DST: variants seen among roughly 807,000 people sequenced by gnomAD.
DST encodes dystonin.
Under a neutral mutation model 875.2 loss-of-function variants are expected in DST, and 253 were observed. The ratio of observed to expected loss-of-function variants is 0.29; its 90% confidence interval spans 0.26 to 0.32. The LOEUF (loss-of-function observed/expected upper bound fraction) is 0.32. DST is among the 10% of genes least tolerant of loss of function. DST has a pLI of 1.00. For missense variants in DST, 8,287 were observed against 9,111.6 expected, an observed-to-expected ratio of 0.91 and a Z score of 3.68; for synonymous variants, 3,124 against 3,197.1, an observed-to-expected ratio of 0.98 and a Z score of 0.77.
intron 5 of DST, among the ~76,000 whole-genome samples, chr6:56,708,430 C>T (rs1202294930): frequency 2.6e-5 from 4 of 151,864 alleles, no homozygotes; most frequent in Non-Finnish European, 5.9e-5. Context: ...TTCTATAATG[C>T]TTGAAAAAAA....
chr6:56,560,643 C>T (rs541569025), intron 57 of DST, among the ~76,000 whole-genome samples: 55 of 152,132 alleles, frequency 3.6e-4, no homozygotes, highest in South Asian at 1.0e-3. Flanking sequence ...AACACTATGA[C>T]TATGAAGATA....
chr6:56,921,092 T>C (rs1249918704), intron 2 of DST, among the ~76,000 whole-genome samples: 1 of 151,868 alleles, frequency 6.6e-6, no homozygotes, highest in East Asian at 1.9e-4. Flanking sequence ...AAAGGTGATA[T>C]TTGAACAATG....
intron 83 of DST, among the ~76,000 whole-genome samples, chr6:56,493,325 C>T (rs1379604747): frequency 2.0e-5 from 3 of 152,000 alleles, no homozygotes; most frequent in Admixed American, 6.6e-5. Flanking sequence ...AATTAATATA[C>T]GCTAAAGCAT....
intron 3 of DST, among the ~76,000 whole-genome samples, chr6:56,886,873 C>T (rs560917224): frequency 1.3e-5 from 2 of 151,800 alleles, no homozygotes; most frequent in South Asian, 4.2e-4. Flanking sequence ...TGTTCAATTT[C>T]CATAGATTGA....
intron 58 of DST, among the ~76,000 whole-genome samples, chr6:56,557,815 A>C (rs73455787): frequency 0.012 from 1,828 of 152,078 alleles, 44 homozygotes; most frequent in African/African-American, 0.042. Context: ...TATAAGTCCT[A>C]TAGAGTGTGT....
intron 92 of DST, 119 bp downstream of exon 92, chr6:56,476,030 G>A (rs993406054): frequency 8.0e-6 from 7 of 875,046 alleles, no homozygotes; most frequent in Middle Eastern, 3.5e-4. Context: ...GTAAGGAGCT[G>A]AGGAGTCTGA....
At chr6:56,673,740 T>C (rs1174437085) in intron 9 of DST, among the ~76,000 whole-genome samples, 1 of 152,242 alleles carries the variant, frequency 6.6e-6, no homozygotes, top group Non-Finnish European at 1.5e-5. Context: ...TTCCAAGGTA[T>C]ATTCATATAA....
chr6:56,532,532 T>TAA (rs1562603795), intron 63 of DST, 22 bp from the exon 64 acceptor site: 3 of 1,544,302 alleles, frequency 1.9e-6, no homozygotes, highest in Non-Finnish European at 2.6e-6. Flanking sequence ...ACATTAAATA[T>TAA]AAAAAAGCAA....
In DST at chr6:56,552,372, T is replaced by G. The variant is rs1437536171; in HGVS notation, c.16420A>C (p.Asn5474His). ...RDLEALSKQCNKLLDRAQARE... is the reference protein window; with the variant it reads ...RDLEALSKQCHKLLDRAQARE... ...GCTTGGGCTCGGTCCAGTAACTTGT[T>G]GCATTGTTTGCTTAAGGCCTCCAAG... Residue 5474 changes from asparagine to histidine, a missense_variant, in exon 61 of 104, where the codon AAC becomes CAC. Asn to His is a moderately conservative substitution (Grantham distance 68, BLOSUM62 1). Around this residue, in one of 10 missense-constraint regions of DST, gnomAD observed 777 missense variants for 764.8 expected, o/e 1.02. Transcript: ENST00000680361. 6.2e-7 allele frequency: 1 copy of G among 1,613,898 alleles called. No individual in the cohort carries two copies. Among genetic ancestry groups the G allele is most frequent in the Admixed American group, 1.7e-5 (1 of 60,008 alleles).
At chr6:56,928,803 T>TA (rs1362599509) in intron 2 of DST, among the ~76,000 whole-genome samples, 1 of 151,956 alleles carries the variant, frequency 6.6e-6, no homozygotes, top group Admixed American at 6.6e-5. Context: ...AGACATAATG[T>TA]AAAAAAGACC....
intron 4 of DST, among the ~76,000 whole-genome samples, chr6:56,783,241 T>A (rs979903028): frequency 6.6e-6 from 1 of 152,220 alleles, no homozygotes; most frequent in African/African-American, 2.4e-5. Flanking sequence ...CTATTACGTC[T>A]GCTTGGTGCA....
intron 36 of DST, chr6:56,617,156 G>A: frequency 6.2e-7 from 1 of 1,602,540 alleles, no homozygotes; most frequent in Non-Finnish European, 8.5e-7. Context: ...CAGAAGCTTA[G>A]CTTCCACCAA....
chr6:56,627,937 A>T (rs2098748071), intron 33 of DST, 62 bp downstream of exon 33: 4 of 1,452,590 alleles, frequency 2.8e-6, no homozygotes, highest in Non-Finnish European at 3.9e-6. Flanking sequence ...GGAAAGGAAG[A>T]TGAGGAGCAT....
chr6:56,626,302 C>T (rs1325689210), intron 34 of DST, among the ~76,000 whole-genome samples: 1 of 152,138 alleles, frequency 6.6e-6, no homozygotes, highest in African/African-American at 2.4e-5. Context: ...AAAGCAACTT[C>T]TAGTCCTGCA....
intron 4 of DST, among the ~76,000 whole-genome samples, chr6:56,846,361 G>C (rs1407475526): frequency 6.6e-6 from 1 of 152,216 alleles, no homozygotes; most frequent in Non-Finnish European, 1.5e-5. Flanking sequence ...AACCAAGTCT[G>C]CCTGAGTTCA....
At position 56,735,308 on chromosome 6, in the gene DST, T is replaced by C. The variant is rs753355987; in HGVS notation, c.626-19A>G. Reference sequence around the variant, plus strand: ...CGTTCATCTGGAAGGAAAAAATATATATAAAGATAAGGTTGGTAAAATCTA... The same window carrying C: ...CGTTCATCTGGAAGGAAAAAATATACATAAAGATAAGGTTGGTAAAATCTA... On this transcript the variant is annotated intron_variant, in intron 4 of 103. Coordinates refer to ENST00000680361, the MANE Select transcript of DST (RefSeq NM_001374736.1). 18 of 1,431,452 alleles carry C rather than the reference T, an allele frequency of 1.3e-5. No homozygotes were observed. The East Asian group carries it at 2.5e-4, about 20-fold the overall frequency. The allele number at this position is 1,431,452 out of a possible 1,614,324, so 88.7% of individuals were successfully genotyped here.
rs35326806 is a variant in DST at position 56,714,216 on chromosome 6, G to A, written c.688-9847C>T. Among the ~76,000 whole-genome samples the A allele has an allele frequency of 0.12, 18,018 of 152,092 alleles. 1,457 individuals are homozygous for A. Among genetic ancestry groups the A allele is most frequent in the Middle Eastern group, 0.19 (56 of 294 alleles). On this transcript the variant is annotated intron_variant, in intron 5 of 103. Coordinates refer to ENST00000680361, the MANE Select transcript of DST (RefSeq NM_001374736.1). The surrounding 1 kb of genome is among the most constrained non-coding windows in gnomAD (Gnocchi z 4.5). ...TCTGGGGAACTGATATGTTTGGAAT[G>A]GAATTATAAATACAGGTTTATTCTT...
chr6:56,530,176 G>A (rs1348982457), intron 64 of DST, 43 bp from the exon 65 acceptor site: 2 of 1,450,966 alleles, frequency 1.4e-6, no homozygotes, highest in East Asian at 2.4e-5. Flanking sequence ...AAGAATGTGT[G>A]AAATATTCAA....
chr6:56,803,433 C>A (rs1241876897), intron 4 of DST, among the ~76,000 whole-genome samples: 1 of 151,928 alleles, frequency 6.6e-6, no homozygotes, highest in Non-Finnish European at 1.5e-5. Flanking sequence ...AAGGAGACTG[C>A]AAAATATGAA....
Sources: allele counts gnomAD v4.1 joint callset (sites outside exome capture counted in the v4.1 genomes callset), GRCh38; gene constraint gnomAD v4.1.1; regional missense constraint gnomAD v4.1.1; non-coding constraint Gnocchi (gnomAD v3.1); transcripts MANE v1.5; gene names NCBI Gene and HGNC (gene_info 2026-07-23, HGNC 2026-07-21).